NTRK2: variants seen among roughly 807,000 people sequenced by gnomAD.
NTRK2 encodes the protein BDNF/NT-3 growth factors receptor.
NTRK2 carries 13 observed loss-of-function variants against 94.5 expected under a neutral mutation model. The observed-to-expected ratio is 0.14, with a 90% CI of 0.09 to 0.22. NTRK2 has a LOEUF of 0.22. Among genes scored for constraint, NTRK2 ranks in the 10% least tolerant of loss-of-function variants. The pLI is 1.00. For synonymous variants in NTRK2, 372 were observed against 407.4 expected (o/e 0.91, Z 1.05); for missense variants, 639 against 1,071.2 (o/e 0.60, Z 5.63).
intron 2 of NTRK2, among the ~76,000 whole-genome samples, chr9:84,700,952 C>T (rs898926742): frequency 1.3e-5 from 2 of 152,244 alleles, no homozygotes; most frequent in East Asian, 1.9e-4. Context: ...CCTTTGAGTA[C>T]CTACCTTGTA....
chr9:84,735,410 G>T (rs1419799992), intron 9 of NTRK2, among the ~76,000 whole-genome samples: 3 of 152,190 alleles, frequency 2.0e-5, no homozygotes, highest in Admixed American at 2.0e-4. Flanking sequence ...GATGATGCCA[G>T]TACTGCTGGT....
intron 12 of NTRK2, among the ~76,000 whole-genome samples, chr9:84,788,167 T>C (rs1402423376): frequency 6.6e-6 from 1 of 152,230 alleles, no homozygotes; most frequent in Non-Finnish European, 1.5e-5. Context: ...ATTATGTTAT[T>C]ACGTTGTAAT....
At chr9:84,990,015 T>G (rs778125730) in intron 17 of NTRK2, among the ~76,000 whole-genome samples, 1 of 151,492 alleles carries the variant, frequency 6.6e-6, no homozygotes, top group Non-Finnish European at 1.5e-5. Context: ...TTGCTGGGGG[T>G]TTTTTGCCTT....
At chr9:84,800,227 G>C (rs1327632983) in intron 12 of NTRK2, among the ~76,000 whole-genome samples, 1 of 151,730 alleles carries the variant, frequency 6.6e-6, no homozygotes, top group Non-Finnish European at 1.5e-5. Context: ...TTTTGAGATG[G>C]AGTCTCGCTC....
intron 12 of NTRK2, among the ~76,000 whole-genome samples, chr9:84,842,413 C>A (rs1180895621): frequency 1.3e-5 from 2 of 152,186 alleles, no homozygotes; most frequent in African/African-American, 2.4e-5. Flanking sequence ...TTCTGGATAG[C>A]TCAACAGCCA....
intron 12 of NTRK2, among the ~76,000 whole-genome samples, chr9:84,773,575 C>T (rs1053656475): frequency 2.7e-5 from 4 of 150,888 alleles, no homozygotes; most frequent in Non-Finnish European, 4.4e-5. Context: ...CCTCTCTTTT[C>T]TCTCTCTCTC....
intron 2 of NTRK2, among the ~76,000 whole-genome samples, chr9:84,697,476 A>G (rs1028973361): frequency 2.6e-5 from 4 of 152,166 alleles, no homozygotes; most frequent in African/African-American, 9.7e-5. Flanking sequence ...GATGTGTTTT[A>G]TTAAGCAGAG....
rs199916902 is a variant in NTRK2 at position 84,873,738 on chromosome 9, T to C, written c.1633+6307T>C. 33 of 1,056,774 alleles carry C rather than the reference T, an allele frequency of 3.1e-5. No homozygotes were observed. The South Asian group carries it at 1.3e-3, about 41-fold the overall frequency. The allele number at this position is 1,056,774 out of a possible 1,614,324, so 65.5% of individuals were successfully genotyped here. Reference sequence around the variant, plus strand: ...CAAGCACACTCACAGTGAAGTAAAATCATGTTTTTAGCATCTGACCATTGG... The same window carrying C: ...CAAGCACACTCACAGTGAAGTAAAACCATGTTTTTAGCATCTGACCATTGG... On this transcript the variant is annotated intron_variant, in intron 14 of 18. Coordinates refer to ENST00000277120, the MANE Select transcript of NTRK2 (RefSeq NM_006180.6).
intron 14 of NTRK2, among the ~76,000 whole-genome samples, chr9:84,891,267 G>A (rs576947533): frequency 1.1e-4 from 15 of 134,164 alleles, no homozygotes; most frequent in South Asian, 2.2e-4. Context: ...CCTTCCGAAA[G>A]CTTAGGTTCT....
At chr9:84,867,893 T>C (rs1341914743) in intron 14 of NTRK2, among the ~76,000 whole-genome samples, 1 of 152,246 alleles carries the variant, frequency 6.6e-6, no homozygotes, top group Non-Finnish European at 1.5e-5. Flanking sequence ...TGGGGAGTCC[T>C]GTATTCTTTG....
At chr9:84,816,466 G>A (rs1313307588) in intron 12 of NTRK2, among the ~76,000 whole-genome samples, 3 of 151,928 alleles carry the variant, frequency 2.0e-5, no homozygotes, top group Non-Finnish European at 4.4e-5. Context: ...ATCAAGTCAA[G>A]TATACTGCCC....
chr9:84,840,754 T>G (rs79387598), intron 12 of NTRK2, among the ~76,000 whole-genome samples: 2,036 of 152,164 alleles, frequency 0.013, 46 homozygotes, highest in African/African-American at 0.046. Context: ...GGTTCTTTCT[T>G]TCTCCAATTC....
chr9:84,832,055 G>A (rs112324057), intron 12 of NTRK2, among the ~76,000 whole-genome samples: 2,302 of 152,258 alleles, frequency 0.015, 59 homozygotes, highest in African/African-American at 0.053. Context: ...TTCTAAATAC[G>A]AAGAGGTGTT....
At chr9:84,961,925 CAG>C (rs1193101369) in intron 17 of NTRK2, among the ~76,000 whole-genome samples, 9 of 152,144 alleles carry the variant, frequency 5.9e-5, no homozygotes, top group African/African-American at 2.2e-4. Flanking sequence ...GAGAGGAAGA[CAG>C]AAAGTAGGAT....
chr9:84,811,511 C>T (rs770728374), intron 12 of NTRK2: 3 of 1,065,480 alleles, frequency 2.8e-6, no homozygotes, highest in South Asian at 4.5e-5. Flanking sequence ...AGTGAGAAGG[C>T]CACAGTATCT....
At position 84,714,939 on chromosome 9, in the gene NTRK2, AT is replaced by A. The variant is rs376543740; in HGVS notation, c.583+4150del. 2.2e-4 allele frequency among the ~76,000 whole-genome samples: 34 copies of A among 152,282 alleles called. 1 individual carries two copies. The South Asian group carries it at 7.0e-3, about 32-fold the overall frequency. On this transcript the variant is annotated intron_variant, in intron 6 of 18. Coordinates refer to ENST00000277120, the MANE Select transcript of NTRK2 (RefSeq NM_006180.6). ...CTGTGGCCATTGTATTTAGTTTGCA[AT>A]TGGTACTATTTTTATTTCAATGAAA...
chr9:84,956,353 T>A (rs889573366), intron 17 of NTRK2, among the ~76,000 whole-genome samples: 2 of 152,206 alleles, frequency 1.3e-5, no homozygotes, highest in Non-Finnish European at 2.9e-5. Flanking sequence ...GATCCACTGA[T>A]GACCTAGAAC....
At chr9:84,696,567 G>A (rs1314081201) in intron 2 of NTRK2, among the ~76,000 whole-genome samples, 1 of 152,164 alleles carries the variant, frequency 6.6e-6, no homozygotes, top group Non-Finnish European at 1.5e-5. Flanking sequence ...CTCTGTGCTA[G>A]GAAACGGAGA....
At chr9:84,924,961 G>A (rs1480006838) in intron 14 of NTRK2, among the ~76,000 whole-genome samples, 1 of 152,122 alleles carries the variant, frequency 6.6e-6, no homozygotes, top group Non-Finnish European at 1.5e-5. Flanking sequence ...TAAATGCAAG[G>A]CTAAATAGAG....
Sources: gnomAD v4.1 joint callset for allele counts (sites outside exome capture counted in the v4.1 genomes callset) on GRCh38, gnomAD v4.1.1 for gene constraint, MANE v1.5 for transcripts, NCBI Gene and HGNC (gene_info 2026-07-23, HGNC 2026-07-21) for gene names.